The following UTRN variants were observed in gnomAD, a reference collection of about 807,000 sequenced individuals.
The protein encoded by UTRN is utrophin, also known as dystrophin-related protein 1.
UTRN carries 283 observed loss-of-function variants against 463.9 expected under a neutral mutation model. The observed-to-expected ratio is 0.61, with a 90% CI of 0.55 to 0.67. The LOEUF is 0.67. UTRN is among the 30% of genes least tolerant of loss of function. UTRN has a pLI of 0.00. For synonymous variants in UTRN, 1,442 were observed against 1,431.5 expected (o/e 1.01, Z -0.17); for missense variants, 3,922 against 4,084.3 (o/e 0.96, Z 1.08).
rs1197401407 is a variant in UTRN at position 144,448,588 on chromosome 6, CT to C, written c.1903-8del. The stretch of plus-strand genomic sequence containing the variant: ...TTATAAACATTGAAATTTTGGATGG[CT>C]TTTATTTCAGGTGACTCAGGCTGTA... On this transcript the variant is annotated splice_polypyrimidine_tract_variant and intron_variant, in intron 16 of 74. Coordinates refer to ENST00000367545, the MANE Select transcript of UTRN (RefSeq NM_007124.3). The C allele has an allele frequency of 3.7e-6, 6 of 1,610,060 alleles. No homozygotes were observed. In the South Asian group the frequency reaches 6.7e-5, roughly 18 times the overall value.
At chr6:144,612,657 C>A (rs1805646151) in intron 51 of UTRN, among the ~76,000 whole-genome samples, 1 of 152,030 alleles carries the variant, frequency 6.6e-6, no homozygotes, top group East Asian at 1.9e-4. Context: ...TGAGATATTA[C>A]CTCACCCCAG....
intron 3 of UTRN, among the ~76,000 whole-genome samples, chr6:144,412,626 T>C (rs1783997828): frequency 6.6e-6 from 1 of 151,988 alleles, no homozygotes; most frequent in African/African-American, 2.4e-5. Context: ...TATCAGATGC[T>C]TGGGCATCAT....
intron 25 of UTRN, among the ~76,000 whole-genome samples, chr6:144,479,150 G>T (rs367620711): frequency 8.0e-6 from 1 of 124,704 alleles, no homozygotes; most frequent in Non-Finnish European, 1.6e-5. Context: ...ACAGAGTCTC[G>T]CTCTGTTCCC....
At chr6:144,557,350 A>C (rs1799477407) in intron 50 of UTRN, 39 bp downstream of exon 50, 5 of 1,577,006 alleles carry the variant, frequency 3.2e-6, no homozygotes, top group Non-Finnish European at 4.3e-6. Flanking sequence ...TATATTGTCA[A>C]GTTGAGAATT....
At chr6:144,835,642 G>A (rs1316913140) in intron 69 of UTRN, 138 bp from the exon 70 acceptor site, 1 of 1,022,568 alleles carries the variant, frequency 9.8e-7, no homozygotes, top group Non-Finnish European at 1.4e-6. Flanking sequence ...TTTTAAAAGG[G>A]AGGTCATGGA....
intron 55 of UTRN, among the ~76,000 whole-genome samples, chr6:144,750,163 C>T (rs1385172215): frequency 6.6e-6 from 1 of 150,942 alleles, no homozygotes; most frequent in Non-Finnish European, 1.5e-5. Context: ...CCTTTGCCCA[C>T]CCTAACCCAC....
At chr6:144,661,471 C>A (rs999484122) in intron 51 of UTRN, among the ~76,000 whole-genome samples, 1 of 152,096 alleles carries the variant, frequency 6.6e-6, no homozygotes, top group Non-Finnish European at 1.5e-5. Context: ...GGGCGGACTT[C>A]GACCTCTCGC....
rs75522085 is a variant in UTRN at position 144,490,691 on chromosome 6, T to C, written c.4264-238T>C. ...TTTATCTAAATTTCTTATCCAAATCTATTACTTCTGAGATTGAGACACTGA... is the reference window on the plus strand; with the variant it reads ...TTTATCTAAATTTCTTATCCAAATCCATTACTTCTGAGATTGAGACACTGA... On this transcript the variant is annotated intron_variant, in intron 31 of 74. Coordinates refer to ENST00000367545, the MANE Select transcript of UTRN (RefSeq NM_007124.3). Among the ~76,000 whole-genome samples the C allele has an allele frequency of 7.2e-4, 110 of 152,344 alleles. 1 individual carries two copies. The East Asian group carries it at 8.1e-3, about 11-fold the overall frequency.
chr6:144,375,049 CA>C (rs56945746), intron 2 of UTRN, among the ~76,000 whole-genome samples: 9,520 of 151,444 alleles, frequency 0.063, 352 homozygotes, highest in African/African-American at 0.11. Context: ...CATAGTTAAA[CA>C]AGGAGTTTTT....
chr6:144,567,770 G>A (rs1443051289), intron 50 of UTRN, among the ~76,000 whole-genome samples: 3 of 152,038 alleles, frequency 2.0e-5, no homozygotes, highest in Non-Finnish European at 4.4e-5. Flanking sequence ...TAATGTAAAG[G>A]TCACCTTTTG....
chr6:144,459,143 G>T, intron 20 of UTRN, 31 bp from the exon 21 acceptor site: 1 of 1,596,098 alleles, frequency 6.3e-7, no homozygotes, highest in Non-Finnish European at 8.5e-7. Context: ...CATCTTCAGT[G>T]AGTTGTGTGA....
intron 73 of UTRN, among the ~76,000 whole-genome samples, chr6:144,844,382 CCTCAGCCTCCCAAGTAGCTGGGACT>C (rs1307725147): frequency 1.3e-5 from 2 of 151,924 alleles, no homozygotes; most frequent in African/African-American, 2.4e-5. Context: ...AATTCTCATG[CCTCAGCCTCCCAAGTAGCTGGGACT>C]ACAGGCACAT....
At chr6:144,372,340 A>G (rs1295691249) in intron 2 of UTRN, among the ~76,000 whole-genome samples, 1 of 152,208 alleles carries the variant, frequency 6.6e-6, no homozygotes, top group Admixed American at 6.5e-5. Context: ...GTTAAATGGG[A>G]TAGTAATAGC....
chr6:144,539,221 G>T lies in UTRN; in HGVS notation c.6370-73G>T, dbSNP rs1488867548. On this transcript the variant is annotated intron_variant, in intron 44 of 74. Coordinates refer to ENST00000367545, the MANE Select transcript of UTRN (RefSeq NM_007124.3). ...TTACATTTGTAATAATACCAAAAAG[G>T]TTTCTAATACAGTTCTTGAATTTTC... 14 of 1,406,166 alleles carry T rather than the reference G, an allele frequency of 1.0e-5. No individual in the cohort carries two copies. In the African/African-American group the frequency reaches 1.8e-4, roughly 18 times the overall value. The allele number at this position is 1,406,166 out of a possible 1,614,324, so 87.1% of individuals were successfully genotyped here.
In UTRN at chr6:144,561,238, TATATATATATATATATATATATAC is replaced by T. The variant is rs1484329927; in HGVS notation, c.7289+3931_7289+3954del. 3.4e-4 allele frequency among the ~76,000 whole-genome samples: 26 copies of T among 77,202 alleles called. 2 individuals are homozygous for T. The highest frequency in any genetic ancestry group is 1.2e-3 in the South Asian group (2 of 1,714). 50.6% of individuals were successfully genotyped at this position (77,202 alleles called of 152,430 possible). Reference sequence around the variant, plus strand: ...ATATATATATATATATATATATATATATATATATATATATATATATATACATACACACACACACGTATACACACC... The same window carrying T: ...ATATATATATATATATATATATATATATACACACACACACGTATACACACC... On this transcript the variant is annotated intron_variant, in intron 50 of 74. Coordinates refer to ENST00000367545, the MANE Select transcript of UTRN (RefSeq NM_007124.3).
chr6:144,777,757 AG>A, intron 60 of UTRN, among the ~76,000 whole-genome samples: 1 of 152,336 alleles, frequency 6.6e-6, no homozygotes, highest in East Asian at 1.9e-4. Flanking sequence ...CATATGAGCC[AG>A]GCTATAAAAG....
At chr6:144,467,820 G>C (rs1790113162) in intron 23 of UTRN, among the ~76,000 whole-genome samples, 1 of 151,866 alleles carries the variant, frequency 6.6e-6, no homozygotes, top group Admixed American at 6.6e-5. Context: ...CTTTACTGAA[G>C]GGAATATTCA....
chr6:144,682,910 T>G (rs41435047), intron 52 of UTRN, among the ~76,000 whole-genome samples: 5,203 of 152,296 alleles, frequency 0.034, 112 homozygotes, highest in African/African-American at 0.044. Context: ...CCTCTTTGTT[T>G]GGCACTAATT....
Position 144,423,538 on chromosome 6 carries a change from T to A in UTRN, c.235-11T>A. Reference sequence around the variant, plus strand: ...AATCAGTTTTACTTGCTTTTTTGTTTTATTTTCCAGCCAAAGGAACGTGGT... The same window carrying A: ...AATCAGTTTTACTTGCTTTTTTGTTATATTTTCCAGCCAAAGGAACGTGGT... On this transcript the variant is annotated splice_polypyrimidine_tract_variant and intron_variant, in intron 4 of 74. Transcript: ENST00000367545. 6.2e-7 allele frequency: 1 copy of A among 1,614,072 alleles called. No individual in the cohort carries two copies. The highest frequency in any genetic ancestry group is 8.5e-7 in the Non-Finnish European group (1 of 1,179,986).
Sources: gnomAD v4.1 joint callset for allele counts (sites outside exome capture counted in the v4.1 genomes callset) on GRCh38, gnomAD v4.1.1 for gene constraint, MANE v1.5 for transcripts, NCBI Gene and HGNC (gene_info 2026-07-23, HGNC 2026-07-21) for gene names.